RALGAPA1: variants seen among roughly 807,000 people sequenced by gnomAD.
RALGAPA1 encodes the protein ral GTPase-activating protein subunit alpha-1.
Under a neutral mutation model 269.6 loss-of-function variants are expected in RALGAPA1, and 52 were observed. The observed-to-expected ratio is 0.19, with a 90% CI of 0.15 to 0.24. The LOEUF (loss-of-function observed/expected upper bound fraction) is 0.24. Ranked by LOEUF, RALGAPA1 falls within the 10% of genes least tolerant of loss-of-function variation. The probability of loss-of-function intolerance (pLI) is 1.00; values close to 1 mark genes in which losing one functional copy is unlikely to be tolerated. For synonymous variants in RALGAPA1, 817 were observed against 1,008.3 expected (o/e 0.81, Z 3.60); for missense variants, 1,917 against 3,013.9 (o/e 0.64, Z 8.52).
At chr14:35,627,002 G>A (rs1275918930) in intron 34 of RALGAPA1, 88 bp downstream of exon 34, 7 of 1,306,196 alleles carry the variant, frequency 5.4e-6, no homozygotes, top group Non-Finnish European at 7.0e-6. Flanking sequence ...AATTTAGTGA[G>A]GAAAAGAACA....
At chr14:35,774,382 A>G (rs944201010) in intron 3 of RALGAPA1, among the ~76,000 whole-genome samples, 5 of 152,150 alleles carry the variant, frequency 3.3e-5, no homozygotes, top group Non-Finnish European at 7.4e-5. Context: ...GAAAGACAAT[A>G]AAGAGCAAGG....
At chr14:35,733,023 T>A (rs927419629) in intron 12 of RALGAPA1, among the ~76,000 whole-genome samples, 2 of 152,316 alleles carry the variant, frequency 1.3e-5, no homozygotes, top group Admixed American at 6.5e-5. Flanking sequence ...CAATAAATTT[T>A]AAAAAATTGA....
At chr14:35,682,724 C>G (rs1186126784) in intron 21 of RALGAPA1, among the ~76,000 whole-genome samples, 1 of 152,128 alleles carries the variant, frequency 6.6e-6, no homozygotes, top group Non-Finnish European at 1.5e-5. Flanking sequence ...TTAAAAACAA[C>G]TAAAGTAAGA....
intron 38 of RALGAPA1, among the ~76,000 whole-genome samples, chr14:35,571,673 C>G (rs1594637555): frequency 6.6e-6 from 1 of 152,212 alleles, no homozygotes; most frequent in Middle Eastern, 3.4e-3. Context: ...GAGCCAGACT[C>G]CGTCTCAAAA....
intron 31 of RALGAPA1, among the ~76,000 whole-genome samples, chr14:35,644,461 T>G (rs1204768475): frequency 2.0e-5 from 3 of 152,262 alleles, no homozygotes; most frequent in East Asian, 3.9e-4. Flanking sequence ...AATTTCAAGG[T>G]AATTATATAA....
At chr14:35,666,361 C>A (rs2063937780) in intron 26 of RALGAPA1, among the ~76,000 whole-genome samples, 1 of 152,098 alleles carries the variant, frequency 6.6e-6, no homozygotes, top group Non-Finnish European at 1.5e-5. Context: ...GTCTCAGGTA[C>A]ATGGGATCTC....
chr14:35,605,051 T>G (rs1829394811), intron 36 of RALGAPA1, among the ~76,000 whole-genome samples: 1 of 152,120 alleles, frequency 6.6e-6, no homozygotes, highest in African/African-American at 2.4e-5. Flanking sequence ...AGGGACTTTC[T>G]CCTAAAAGTA....
chr14:35,716,975 C>T (rs1056957380), intron 16 of RALGAPA1, among the ~76,000 whole-genome samples: 1 of 152,072 alleles, frequency 6.6e-6, no homozygotes, highest in African/African-American at 2.4e-5. Flanking sequence ...TATCCTCTTC[C>T]CAAGCAATCC....
At chr14:35,550,879 T>C (rs1222617737) in intron 39 of RALGAPA1, among the ~76,000 whole-genome samples, 1 of 152,168 alleles carries the variant, frequency 6.6e-6, no homozygotes, top group African/African-American at 2.4e-5. Context: ...GGATTTTACA[T>C]GAGGATAATA....
chr14:35,692,242 TACCA>T (rs1311025475), intron 17 of RALGAPA1, among the ~76,000 whole-genome samples: 1 of 152,126 alleles, frequency 6.6e-6, no homozygotes, highest in Middle Eastern at 3.2e-3. Flanking sequence ...GAATTTATTT[TACCA>T]AAGGTCAAAA....
rs35805261 is a variant in RALGAPA1 at position 35,748,378 on chromosome 14, C to CTTT, written c.1251+204_1251+206dup. On this transcript the variant is annotated intron_variant, in intron 10 of 41. Coordinates refer to ENST00000680220, the MANE Select transcript of RALGAPA1 (RefSeq NM_001346249.2). ...TAATCAGTAATTTCTCTCTCTCGCT[C>CTTT]TTTTTTTTTTTTTTTTTAAGAGATG... The CTTT allele has an allele frequency of 2.4e-5, 6 of 253,770 alleles. 1 individual carries two copies. Among genetic ancestry groups the CTTT allele is most frequent in the Non-Finnish European group, 2.1e-5 (3 of 142,458 alleles). 15.7% of individuals were successfully genotyped at this position (253,770 alleles called of 1,614,324 possible).
At chr14:35,715,351 A>C (rs1213015367) in intron 16 of RALGAPA1, among the ~76,000 whole-genome samples, 1 of 151,322 alleles carries the variant, frequency 6.6e-6, no homozygotes, top group Non-Finnish European at 1.5e-5. Flanking sequence ...TTTTTCTTTC[A>C]GGAATTATGT....
At chr14:35,604,179 T>C (rs1197731162) in intron 36 of RALGAPA1, among the ~76,000 whole-genome samples, 3 of 152,046 alleles carry the variant, frequency 2.0e-5, no homozygotes, top group Admixed American at 6.6e-5. Flanking sequence ...AACATACTGA[T>C]CTAAATACTA....
chr14:35,732,823 T>C (rs2070629858), intron 12 of RALGAPA1, among the ~76,000 whole-genome samples: 1 of 152,218 alleles, frequency 6.6e-6, no homozygotes, highest in Admixed American at 6.5e-5. Context: ...AATTCTCCAC[T>C]GACAGCACTA....
At chr14:35,750,448 T>C in intron 9 of RALGAPA1, 34 bp downstream of exon 9, 1 of 1,576,490 alleles carries the variant, frequency 6.3e-7, no homozygotes, top group Non-Finnish European at 8.7e-7. Flanking sequence ...AAGCCATTTC[T>C]AACTTTAACA....
At chr14:35,697,008 T>C (rs938827923) in intron 17 of RALGAPA1, among the ~76,000 whole-genome samples, 2 of 152,214 alleles carry the variant, frequency 1.3e-5, no homozygotes, top group African/African-American at 2.4e-5. Flanking sequence ...ATTTTGGTGA[T>C]TGTTTTTTAA....
In RALGAPA1 at chr14:35,689,086, C is replaced by G; in HGVS notation, c.3325G>C (p.Val1109Leu). The change falls in exon 18 of 42, where the codon GTT (valine) becomes CTT (leucine). Residue 1109 changes from valine (V) to leucine (L), a missense_variant. Val to Leu is a conservative substitution (Grantham distance 32). Around this residue, in one of 11 missense-constraint regions of RALGAPA1, gnomAD observed 615 missense variants for 790.0 expected, o/e 0.78. Transcript: ENST00000680220. ...RAKKATLKAP[V>L]NRRMPHVTST... ...GTAACATGAGGCATTCTGCGGTTAA[C>G]AGGTGCTTTTAGTGTTGCTTTCTTG... The G allele has an allele frequency of 1.6e-6, 2 of 1,236,442 alleles. No individual in the cohort carries two copies. Among genetic ancestry groups the G allele is most frequent in the Non-Finnish European group, 2.0e-6 (2 of 990,522 alleles). 76.6% of individuals were successfully genotyped at this position (1,236,442 alleles called of 1,614,324 possible). A position where few individuals can be genotyped will look rare whatever the true frequency, so the allele number is the denominator to read the frequency against.
At chr14:35,582,729 A>C (rs1331940457) in intron 37 of RALGAPA1, among the ~76,000 whole-genome samples, 2 of 152,196 alleles carry the variant, frequency 1.3e-5, no homozygotes, top group Admixed American at 1.3e-4. Context: ...GGAGGGGAAA[A>C]ACAATTATTT....
chr14:35,673,539 G>A (rs2064679564), intron 24 of RALGAPA1, among the ~76,000 whole-genome samples: 1 of 152,148 alleles, frequency 6.6e-6, no homozygotes, highest in Non-Finnish European at 1.5e-5. Flanking sequence ...AAGTCTGGGT[G>A]ACTGAGTGAG....
Sources: allele counts gnomAD v4.1 joint callset (sites outside exome capture counted in the v4.1 genomes callset), GRCh38; gene constraint gnomAD v4.1.1; regional missense constraint gnomAD v4.1.1; transcripts MANE v1.5; gene names NCBI Gene and HGNC (gene_info 2026-07-23, HGNC 2026-07-21).